Variants in GPAT3 observed in about 807,000 individuals in gnomAD.
GPAT3 encodes 1-AGP acyltransferase 9.
Under a neutral mutation model 58.8 loss-of-function variants are expected in GPAT3, and 53 were observed. The observed-to-expected ratio is 0.90, with a 90% CI of 0.72 to 1.13. GPAT3 has a LOEUF of 1.13. Ranked by LOEUF, GPAT3 falls within the 50% of genes most tolerant of loss-of-function variation. The pLI, the probability that GPAT3 is intolerant of heterozygous loss-of-function variation, is 0.00. For synonymous variants in GPAT3, 197 were observed against 187.4 expected, an observed-to-expected ratio of 1.05 and a Z score of -0.42; for missense variants, 511 against 527.6, an observed-to-expected ratio of 0.97 and a Z score of 0.31.
In GPAT3 at chr4:83,604,919, A is replaced by G. The variant is rs1004876106; in HGVS notation, c.*152A>G. On this transcript the variant is annotated 3_prime_UTR_variant, in exon 12 of 12. Transcript: ENST00000264409. The stretch of plus-strand genomic sequence containing the variant: ...CCTCTTTATGCCAGAGGCAGAACCT[A>G]CAGGTGCCCTTTTTGGCTTTTGTTG... The G allele has an allele frequency of 9.3e-6, 6 of 645,956 alleles. No homozygotes were observed. Among genetic ancestry groups the G allele is most frequent in the African/African-American group, 9.2e-5 (5 of 54,074 alleles). 40.0% of individuals were successfully genotyped at this position (645,956 alleles called of 1,614,324 possible).
At position 83,581,770 on chromosome 4, in the gene GPAT3, G is replaced by A; in HGVS notation, c.417G>A (p.Leu139=). 1 of 1,614,134 alleles carries A rather than the reference G, an allele frequency of 6.2e-7. No individual in the cohort carries two copies. ...ATGTAAATTTCCAGTACATCAGTCT[G>A]CGGCTCACTATGGTGTGGGTGCTGG... ...RTNVNFQYIS[L]RLTMVWVLGV... The change falls in exon 3 of 12, where the codon CTG becomes CTA. Residue 139 remains leucine (L), a synonymous_variant. Coordinates refer to ENST00000264409, the MANE Select transcript of GPAT3 (RefSeq NM_032717.5).
intron 1 of GPAT3, among the ~76,000 whole-genome samples, chr4:83,537,630 T>TAC (rs1724155054): frequency 6.6e-6 from 1 of 150,908 alleles, no homozygotes; most frequent in Non-Finnish European, 1.5e-5. Context: ...TGTGTGTATA[T>TAC]TTAACATAAG....
intron 1 of GPAT3, among the ~76,000 whole-genome samples, chr4:83,538,374 A>C (rs1724179862): frequency 6.6e-6 from 1 of 152,140 alleles, no homozygotes; most frequent in Admixed American, 6.5e-5. Context: ...TATTGACTTT[A>C]CATTCTGAGC....
chr4:83,578,705 C>T (rs1725907860), intron 2 of GPAT3, among the ~76,000 whole-genome samples: 3 of 152,074 alleles, frequency 2.0e-5, no homozygotes, highest in African/African-American at 7.2e-5. Flanking sequence ...ATTGCAGTGC[C>T]TGTAGAGCAA....
rs138199995 is a variant in GPAT3, at chr4:83,537,625, G to GTGTGTGTA, written c.141+863_141+864insGTGTGTAT. On this transcript the variant is annotated intron_variant, in intron 1 of 11. Coordinates refer to ENST00000264409, the MANE Select transcript of GPAT3 (RefSeq NM_032717.5). ...TGTGTGTGTGTGTGTGTGTGTGTGT[G>GTGTGTGTA]TATATTTAACATAAGAGACAGGGTC... 2.6e-3 allele frequency among the ~76,000 whole-genome samples: 388 copies of GTGTGTGTA among 147,666 alleles called. 3 individuals carry two copies. Among genetic ancestry groups the GTGTGTGTA allele is most frequent in the African/African-American group, 9.5e-3 (372 of 39,280 alleles).
In GPAT3 at chr4:83,587,240, T is replaced by G. The variant is rs755782187; in HGVS notation, c.480-15T>G. 1.2e-6 allele frequency: 2 copies of G among 1,610,706 alleles called. No individual in the cohort carries two copies. The highest frequency in any genetic ancestry group is 2.2e-5 in the South Asian group (2 of 90,672). On this transcript the variant is annotated splice_polypyrimidine_tract_variant and intron_variant, in intron 3 of 11. Coordinates refer to ENST00000264409, the MANE Select transcript of GPAT3 (RefSeq NM_032717.5). ...TGTGTCAAAATCTTATATGGCCCTC[T>G]CTTTTCTTTTTCAGGGTTACCTTGG...
intron 2 of GPAT3, among the ~76,000 whole-genome samples, chr4:83,577,124 T>C (rs776398961): frequency 3.9e-5 from 6 of 152,204 alleles, no homozygotes; most frequent in African/African-American, 1.4e-4. Context: ...CATCTAATCA[T>C]GAAGAAACGT....
chr4:83,538,153 T>A (rs762509974), intron 1 of GPAT3, among the ~76,000 whole-genome samples: 12 of 152,184 alleles, frequency 7.9e-5, no homozygotes, highest in Non-Finnish European at 1.6e-4. Flanking sequence ...CTCTTCTTTC[T>A]CAGCTAATTG....
chr4:83,588,990 T>A (rs1260898942), intron 5 of GPAT3, among the ~76,000 whole-genome samples: 1 of 152,252 alleles, frequency 6.6e-6, no homozygotes, highest in South Asian at 2.1e-4. Flanking sequence ...ACTGATTTGG[T>A]CTTTCTTTCT....
intron 11 of GPAT3, among the ~76,000 whole-genome samples, chr4:83,600,939 T>C (rs1727033484): frequency 6.6e-6 from 1 of 152,176 alleles, no homozygotes; most frequent in South Asian, 2.1e-4. Flanking sequence ...GCAAGAAAAG[T>C]TTATTTCAGA....
rs186874367 is a variant in GPAT3, at chr4:83,582,411, G to A, written c.479+579G>A. On this transcript the variant is annotated intron_variant, in intron 3 of 11. Coordinates refer to ENST00000264409, the MANE Select transcript of GPAT3 (RefSeq NM_032717.5). ...CTTCTGAGCTTGAGTGCCACCTGGT[G>A]AGGAGGCAGTGTCAAGCCTAGTTTA... Among the ~76,000 whole-genome samples the A allele has an allele frequency of 3.9e-4, 59 of 152,352 alleles. 1 individual carries two copies. In the East Asian group the frequency reaches 0.01, roughly 26 times the overall value.
Position 83,553,167 on chromosome 4 carries a change from T to A in GPAT3, c.208+8565T>A, listed in dbSNP as rs546709854. 2.6e-4 allele frequency among the ~76,000 whole-genome samples: 40 copies of A among 152,286 alleles called. 1 individual carries two copies. In the South Asian group the frequency reaches 8.1e-3, roughly 31 times the overall value. The stretch of plus-strand genomic sequence containing the variant: ...GCATTTAACTTTGACCACTGATGAA[T>A]GAGCAGGATGAAGTGGTTCTGGCAG... On this transcript the variant is annotated intron_variant, in intron 2 of 11. Coordinates refer to ENST00000264409, the MANE Select transcript of GPAT3 (RefSeq NM_032717.5).
At position 83,599,544 on chromosome 4, in the gene GPAT3, G is replaced by A. The variant is rs534516331; in HGVS notation, c.1205+821G>A. ...TAGGGTTCTTTTTCTTATGAAGAAA[G>A]CGGGAATGGATTTGTGAGTGGGGTG... On this transcript the variant is annotated intron_variant, in intron 11 of 11. Transcript: ENST00000264409. Among the ~76,000 whole-genome samples the A allele has an allele frequency of 2.0e-4, 30 of 152,260 alleles. No homozygotes were observed. The South Asian group carries it at 6.0e-3, about 31-fold the overall frequency.
chr4:83,588,278 G>T lies in GPAT3; in HGVS notation c.623G>T (p.Gly208Val), dbSNP rs1578193876. ...CGGATCTGTGTGCGAGCCCTCTCTG[G>T]TACCATTCATTATCATAACAAGTGA... is the stretch of plus-strand genomic sequence containing the variant. ...CCRICVRALS[G>V]TIHYHNKQYR... The change falls in exon 5 of 12, where the codon GGT becomes GTT. Residue 208 changes from glycine to valine, a missense_variant. Coordinates refer to ENST00000264409, the MANE Select transcript of GPAT3 (RefSeq NM_032717.5). The T allele has an allele frequency of 1.2e-6, 2 of 1,611,584 alleles. No homozygotes were observed. The highest frequency in any genetic ancestry group is 4.5e-5 in the East Asian group (2 of 44,748).
At chr4:83,590,783 A>C (rs1350199926) in intron 6 of GPAT3, among the ~76,000 whole-genome samples, 1 of 152,168 alleles carries the variant, frequency 6.6e-6, no homozygotes, top group Non-Finnish European at 1.5e-5. Flanking sequence ...TAGCCCCAAA[A>C]GAAAAGAAAA....
chr4:83,595,745 G>A (rs1415437444), intron 7 of GPAT3, among the ~76,000 whole-genome samples: 1 of 152,134 alleles, frequency 6.6e-6, no homozygotes, highest in Middle Eastern at 3.4e-3. Context: ...GCTAGAGACA[G>A]AGGAATGGGA....
At chr4:83,549,738 A>ATTATTATTG (rs1222299783) in intron 2 of GPAT3, among the ~76,000 whole-genome samples, 2 of 147,538 alleles carry the variant, frequency 1.4e-5, no homozygotes, top group African/African-American at 2.5e-5. Flanking sequence ...TGTTATTATT[A>ATTATTATTG]TTGAGATGGA....
At chr4:83,551,813 A>AATCTATCTATCT (rs3083939) in intron 2 of GPAT3, among the ~76,000 whole-genome samples, 2,439 of 102,288 alleles carry the variant, frequency 0.024, 97 homozygotes, top group African/African-American at 0.066. Context: ...AAAAAAAAAA[A>AATCTATCTATCT]ATCTATCTAT....
At chr4:83,566,717 G>T (rs879706958) in intron 2 of GPAT3, among the ~76,000 whole-genome samples, 3 of 150,160 alleles carry the variant, frequency 2.0e-5, no homozygotes, top group Admixed American at 1.3e-4. Flanking sequence ...TCTATGTTGG[G>T]TCTTACTTTC....
Sources: gnomAD v4.1 joint callset for allele counts (sites outside exome capture counted in the v4.1 genomes callset) on GRCh38, gnomAD v4.1.1 for gene constraint, MANE v1.5 for transcripts, NCBI Gene and HGNC (gene_info 2026-07-23, HGNC 2026-07-21) for gene names.